The following FUBP1 variants were observed in gnomAD, a reference collection of about 807,000 sequenced individuals.
The protein encoded by FUBP1 is far upstream element binding protein 1, also known as far upstream element-binding protein 1.
FUBP1 carries 16 observed loss-of-function variants against 94.9 expected under a neutral mutation model. The ratio of observed to expected loss-of-function variants is 0.17; its 90% confidence interval spans 0.11 to 0.26. The LOEUF (loss-of-function observed/expected upper bound fraction) is 0.26. Among genes scored for constraint, FUBP1 ranks in the 10% least tolerant of loss-of-function variants. The probability of loss-of-function intolerance (pLI) is 1.00; values close to 1 mark genes in which losing one functional copy is unlikely to be tolerated. For missense variants in FUBP1, 583 were observed against 808.6 expected, an observed-to-expected ratio of 0.72 and a Z score of 3.38; for synonymous variants, 279 against 254.9, an observed-to-expected ratio of 1.09 and a Z score of -0.90.
Position 77,978,928 on chromosome 1 carries a change from C to T in FUBP1, c.77G>A (p.Gly26Glu), listed in dbSNP as rs2102562897. Residue 26 changes from glycine (G) to glutamate (E), a missense_variant, in exon 1 of 20, where the codon GGA (glycine) becomes GAA (glutamate). Gly to Glu is a moderately conservative substitution (Grantham distance 98). Coordinates refer to ENST00000370768, the MANE Select transcript of FUBP1 (RefSeq NM_003902.5). The stretch of plus-strand genomic sequence containing the variant: ...TGCATCTTTGAAAGCGTCGTTAACT[C>T]CTCCACCACCACCGCCGCCACCACC... Reference protein sequence around the residue: ...GGGGGGGGGGGVNDAFKDALQ... With the variant: ...GGGGGGGGGGEVNDAFKDALQ... The T allele has an allele frequency of 6.2e-7, 1 of 1,613,784 alleles. No homozygotes were observed. Among genetic ancestry groups the T allele is most frequent in the Non-Finnish European group, 8.5e-7 (1 of 1,179,820 alleles).
At position 77,955,308 on chromosome 1, in the gene FUBP1, G is replaced by A. The variant is rs779766184; in HGVS notation, c.1727C>T (p.Pro576Leu). The A allele has an allele frequency of 6.4e-7, 1 of 1,573,040 alleles. No individual in the cohort carries two copies. The highest frequency in any genetic ancestry group is 8.8e-7 in the Non-Finnish European group (1 of 1,142,718). ...NGQGDQQNPAPAGQVDYTKAW... is the reference protein window; with the variant it reads ...NGQGDQQNPALAGQVDYTKAW... Reference sequence around the variant, plus strand: ...CTTGGTATAATCAACCTGTCCAGCTGGGGCTGGATTCTGCTGATCTCCTTG... The same window carrying A: ...CTTGGTATAATCAACCTGTCCAGCTAGGGCTGGATTCTGCTGATCTCCTTG... The change falls in exon 18 of 20, where the codon CCA (proline) becomes CTA (leucine). Residue 576 changes from proline to leucine, a missense_variant. Physicochemically the swap from Pro to Leu is moderately conservative, Grantham distance 98. Coordinates refer to ENST00000370768, the MANE Select transcript of FUBP1 (RefSeq NM_003902.5).
chr1:77,963,971 C>A (rs1656012725), intron 12 of FUBP1, 91 bp downstream of exon 12: 1 of 825,392 alleles, frequency 1.2e-6, no homozygotes, highest in South Asian at 1.4e-5. Context: ...CATCATCAAG[C>A]AGACTCTGAT....
intron 1 of FUBP1, among the ~76,000 whole-genome samples, chr1:77,974,899 G>A (rs1658316629): frequency 6.6e-6 from 1 of 152,140 alleles, no homozygotes; most frequent in Admixed American, 6.5e-5. Context: ...TATCCCTGGG[G>A]GATTGGTTCC....
At chr1:77,963,245 A>G (rs1037389913) in intron 13 of FUBP1, among the ~76,000 whole-genome samples, 2 of 152,226 alleles carry the variant, frequency 1.3e-5, no homozygotes, top group Non-Finnish European at 2.9e-5. Flanking sequence ...ACTTATAAAC[A>G]TTCAAATTTT....
intron 1 of FUBP1, 71 bp from the exon 2 acceptor site, chr1:77,970,086 C>T (rs2102457064): frequency 1.5e-6 from 1 of 659,130 alleles, no homozygotes; most frequent in Non-Finnish European, 2.5e-6. Flanking sequence ...CCCCCATTTA[C>T]TTCCTGATAC....
In FUBP1 at chr1:77,947,194, C is replaced by T; in HGVS notation, c.*1572G>A. 4.3e-6 allele frequency: 1 copy of T among 233,672 alleles called. No individual in the cohort carries two copies. Among genetic ancestry groups the T allele is most frequent in the Non-Finnish European group, 8.6e-6 (1 of 116,934 alleles). 14.5% of individuals were successfully genotyped at this position (233,672 alleles called of 1,614,324 possible). A position where few individuals can be genotyped will look rare whatever the true frequency, so the allele number is the denominator to read the frequency against. On this transcript the variant is annotated 3_prime_UTR_variant, in exon 20 of 20. Transcript: ENST00000370768. ...ATTTTAGGAGCACCAGTGAATAATA[C>T]TATTCAACTTTGTTAAGTATCAGTT...
chr1:77,956,199 G>A (rs1235337045), intron 17 of FUBP1, among the ~76,000 whole-genome samples: 3 of 152,144 alleles, frequency 2.0e-5, no homozygotes, highest in Non-Finnish European at 2.9e-5. Flanking sequence ...TACCCAACAG[G>A]ACATCATGTC....
chr1:77,967,696 A>G (rs1656769560), intron 3 of FUBP1, 30 bp from the exon 4 acceptor site: 2 of 1,319,168 alleles, frequency 1.5e-6, no homozygotes, highest in East Asian at 2.5e-5. Flanking sequence ...AAATAAAACA[A>G]AAATTCAAAA....
At chr1:77,965,957 C>A (rs989432319) in intron 7 of FUBP1, among the ~76,000 whole-genome samples, 2 of 152,198 alleles carry the variant, frequency 1.3e-5, no homozygotes, top group African/African-American at 4.8e-5. Context: ...GCGGAGGTTG[C>A]AGTGAGCCGA....
In FUBP1 at chr1:77,948,211, A is replaced by T. The variant is rs1357901270; in HGVS notation, c.*555T>A. On this transcript the variant is annotated 3_prime_UTR_variant, in exon 20 of 20. Coordinates refer to ENST00000370768, the MANE Select transcript of FUBP1 (RefSeq NM_003902.5). ...GAAGATATCAGGATTACTTGTGCTG[A>T]AAGAGCCAATACAATAAATGGAAAA... The T allele has an allele frequency of 9.5e-7, 1 of 1,051,382 alleles. No individual in the cohort carries two copies. Among genetic ancestry groups the T allele is most frequent in the Non-Finnish European group, 1.1e-6 (1 of 870,250 alleles). 65.1% of individuals were successfully genotyped at this position (1,051,382 alleles called of 1,614,324 possible).
chr1:77,958,423 A>T (rs1420838021), intron 16 of FUBP1, among the ~76,000 whole-genome samples: 3 of 152,238 alleles, frequency 2.0e-5, no homozygotes, highest in Non-Finnish European at 4.4e-5. Context: ...ATTCTTGACC[A>T]CTACATAAAT....
At position 77,944,772 on chromosome 1, in the gene FUBP1, T is replaced by C. The variant is rs149691424; in HGVS notation, c.*3994A>G. On this transcript the variant is annotated 3_prime_UTR_variant, in exon 20 of 20. Transcript: ENST00000370768. ...CTTATGAATTAACTACCAAGATAAT[T>C]TGTTTAAAAGATATATTTTACAATG... Among the ~76,000 whole-genome samples, 1 of 152,098 alleles carries C rather than the reference T, an allele frequency of 6.6e-6. No homozygotes were observed. Among genetic ancestry groups the C allele is most frequent in the East Asian group, 1.9e-4 (1 of 5,180 alleles).
At chr1:77,971,029 T>C (rs1473493652) in intron 1 of FUBP1, among the ~76,000 whole-genome samples, 1 of 149,852 alleles carries the variant, frequency 6.7e-6, no homozygotes, top group Admixed American at 6.7e-5. Context: ...GCAAGACTGT[T>C]ACAAACAAAA....
chr1:77,978,171 G>A (rs768276466), intron 1 of FUBP1, among the ~76,000 whole-genome samples: 46 of 152,348 alleles, frequency 3.0e-4, no homozygotes, highest in Non-Finnish European at 6.2e-4. Context: ...TATTTTAACA[G>A]CTTTCGTCTG....
chr1:77,953,479 A>G (rs1011953831), intron 18 of FUBP1, among the ~76,000 whole-genome samples: 6 of 152,040 alleles, frequency 3.9e-5, no homozygotes, highest in African/African-American at 1.4e-4. Flanking sequence ...CGAGAGTGAG[A>G]CTCCCTCTCA....
rs527886311 is a variant in FUBP1 at position 77,972,764 on chromosome 1, A to C, written c.121-2749T>G. 2.8e-4 allele frequency among the ~76,000 whole-genome samples: 43 copies of C among 151,012 alleles called. No homozygotes were observed. In the East Asian group the frequency reaches 3.5e-3, roughly 12 times the overall value. ...GTGACAGAGCGAGACTCTGTCTCAA[A>C]AAAGAAAAAAAGAAAAGAAAAGAAA... On this transcript the variant is annotated intron_variant, in intron 1 of 19. Transcript: ENST00000370768.
intron 2 of FUBP1, among the ~76,000 whole-genome samples, chr1:77,969,396 T>G (rs898590958): frequency 6.6e-6 from 1 of 152,064 alleles, no homozygotes; most frequent in African/African-American, 2.4e-5. Context: ...AAATCCACTG[T>G]TTTAATCCAC....
chr1:77,968,669 CA>C, intron 2 of FUBP1, among the ~76,000 whole-genome samples: 1 of 151,550 alleles, frequency 6.6e-6, no homozygotes, highest in Non-Finnish European at 1.5e-5. Flanking sequence ...AAAAACCCCC[CA>C]CAACATTACA....
chr1:77,965,643 G>GT (rs1423113429), intron 7 of FUBP1, among the ~76,000 whole-genome samples: 1 of 152,166 alleles, frequency 6.6e-6, no homozygotes, highest in Non-Finnish European at 1.5e-5. Flanking sequence ...GCTATTCTAG[G>GT]TAATGGGGTA....
Sources: allele counts gnomAD v4.1 joint callset (sites outside exome capture counted in the v4.1 genomes callset), GRCh38; gene constraint gnomAD v4.1.1; transcripts MANE v1.5; gene names NCBI Gene and HGNC (gene_info 2026-07-23, HGNC 2026-07-21).